Variants in ADSS2 observed in about 807,000 individuals in gnomAD.
ADSS2 encodes adenylosuccinate synthetase isozyme 2.
Under a neutral mutation model 60.0 loss-of-function variants are expected in ADSS2, and 30 were observed. That is an observed-to-expected ratio of 0.50 (90% CI 0.37 to 0.68). ADSS2 has a LOEUF of 0.68. Among genes scored for constraint, ADSS2 ranks in the 30% least tolerant of loss-of-function variants. The pLI, the probability that ADSS2 is intolerant of heterozygous loss-of-function variation, is 0.00. For missense variants in ADSS2, 373 were observed against 554.8 expected (o/e 0.67, Z 3.29); for synonymous variants, 187 against 193.1 (o/e 0.97, Z 0.26).
At chr1:244,410,062 G>C (rs1664377912) in intron 12 of ADSS2, among the ~76,000 whole-genome samples, 1 of 152,172 alleles carries the variant, frequency 6.6e-6, no homozygotes, top group Non-Finnish European at 1.5e-5. Context: ...CGAATCATCT[G>C]CATCACATGG....
intron 7 of ADSS2, among the ~76,000 whole-genome samples, chr1:244,420,787 A>G (rs991550265): frequency 6.6e-6 from 1 of 152,224 alleles, no homozygotes; most frequent in East Asian, 1.9e-4. Flanking sequence ...GCTCACTTGC[A>G]GCCTCGACCT....
At chr1:244,423,508 A>G (rs549672714) in intron 6 of ADSS2, among the ~76,000 whole-genome samples, 49 of 152,206 alleles carry the variant, frequency 3.2e-4, no homozygotes, top group Non-Finnish European at 6.0e-4. Context: ...TTAACGTAGC[A>G]TCTGTTGATT....
At chr1:244,434,528 GA>G (rs1175103033) in intron 3 of ADSS2, among the ~76,000 whole-genome samples, 1 of 152,166 alleles carries the variant, frequency 6.6e-6, no homozygotes, top group Non-Finnish European at 1.5e-5. Flanking sequence ...ATAGATTAAG[GA>G]AGAGAACCTC....
intron 1 of ADSS2, among the ~76,000 whole-genome samples, chr1:244,450,986 G>A (rs2148021677): frequency 6.6e-6 from 1 of 152,290 alleles, no homozygotes; most frequent in South Asian, 2.1e-4. Context: ...CATGTATGGA[G>A]CACACTGTAA....
intron 6 of ADSS2, among the ~76,000 whole-genome samples, chr1:244,423,592 A>G (rs1664723303): frequency 6.6e-6 from 1 of 152,120 alleles, no homozygotes; most frequent in Non-Finnish European, 1.5e-5. Context: ...GGACATAAGG[A>G]GTCTCTAGGC....
chr1:244,428,352 T>A (rs1314586077), intron 4 of ADSS2, among the ~76,000 whole-genome samples: 1 of 152,148 alleles, frequency 6.6e-6, no homozygotes, highest in Non-Finnish European at 1.5e-5. Flanking sequence ...ACTCAACTTA[T>A]AAGTTAAAAT....
intron 7 of ADSS2, among the ~76,000 whole-genome samples, chr1:244,421,003 T>G (rs1033534387): frequency 1.3e-5 from 2 of 152,042 alleles, no homozygotes; most frequent in Non-Finnish European, 2.9e-5. Flanking sequence ...ATTTTGAAAC[T>G]TGCATCAGTG....
intron 1 of ADSS2, among the ~76,000 whole-genome samples, chr1:244,449,138 T>G (rs1249521948): frequency 6.6e-6 from 1 of 152,238 alleles, no homozygotes; most frequent in Admixed American, 6.5e-5. Flanking sequence ...ACACAGGCCT[T>G]AAGCGCTGTT....
rs558503363 is a variant in ADSS2 at position 244,442,315 on chromosome 1, A to G, written c.184-4547T>C. Reference sequence around the variant, plus strand: ...GTGATGGATGACTTTAGGGGGAAAAATTGGCTTAACTCCCTAAGTTTGTCC... The same window carrying G: ...GTGATGGATGACTTTAGGGGGAAAAGTTGGCTTAACTCCCTAAGTTTGTCC... On this transcript the variant is annotated intron_variant, in intron 1 of 12. Coordinates refer to ENST00000366535, the MANE Select transcript of ADSS2 (RefSeq NM_001126.5). 5.9e-5 allele frequency among the ~76,000 whole-genome samples: 9 copies of G among 152,132 alleles called. No individual in the cohort carries two copies. In the East Asian group the frequency reaches 1.7e-3, roughly 29 times the overall value.
rs1664366302 is a variant in ADSS2, at chr1:244,409,609, C to G, written c.1348G>C (p.Glu450Gln). Residue 450 changes from glutamate to glutamine, a missense_variant, in exon 13 of 13, where the codon GAA (glutamate) becomes CAA (glutamine). Around this residue, in one of 5 missense-constraint regions of ADSS2, gnomAD observed 130 missense variants for 169.4 expected, o/e 0.77. Coordinates refer to ENST00000366535, the MANE Select transcript of ADSS2 (RefSeq NM_001126.5). ...VKWIGVGKSR[E>Q]SMIQLF ...CATTAAAAGAGTTGAATCATAGATT[C>G]TCTGGATTTACCAACACCAATCCAC... is the stretch of plus-strand genomic sequence containing the variant. 6.2e-7 allele frequency: 1 copy of G among 1,609,502 alleles called. No individual in the cohort carries two copies. The highest frequency in any genetic ancestry group is 8.5e-7 in the Non-Finnish European group (1 of 1,176,494).
In ADSS2 at chr1:244,435,088, G is replaced by A. The variant is rs554776529; in HGVS notation, c.355+1737C>T. 3.6e-5 allele frequency among the ~76,000 whole-genome samples: 5 copies of A among 138,460 alleles called. No homozygotes were observed. In the East Asian group the frequency reaches 1.2e-3, roughly 32 times the overall value. The allele number at this position is 138,460 out of a possible 152,430, so 90.8% of individuals were successfully genotyped here. On this transcript the variant is annotated intron_variant, in intron 3 of 12. Coordinates refer to ENST00000366535, the MANE Select transcript of ADSS2 (RefSeq NM_001126.5). The stretch of plus-strand genomic sequence containing the variant: ...AAAGCTGAGGCAGGAGAATCACTTG[G>A]ACCCACGAAGCAGAAGGTGCAGTGA...
chr1:244,450,637 T>G (rs1258257924), intron 1 of ADSS2, among the ~76,000 whole-genome samples: 4 of 152,212 alleles, frequency 2.6e-5, no homozygotes, highest in African/African-American at 9.6e-5. Context: ...AATATTACAT[T>G]ATGCTTTGTT....
chr1:244,409,624 C>G lies in ADSS2; in HGVS notation c.1333G>C (p.Val445Leu). Residue 445 changes from valine (V) to leucine (L), a missense_variant, in exon 13 of 13, where the codon GTT (valine) becomes CTT (leucine). This residue lies in a region of ADSS2 where 130 missense variants were observed against 169.4 expected (regional missense o/e 0.77). Coordinates refer to ENST00000366535, the MANE Select transcript of ADSS2 (RefSeq NM_001126.5). ...ATCATAGATTCTCTGGATTTACCAA[C>G]ACCAATCCACTTAACTAGGAGAATA... ...ELQIPVKWIG[V>L]GKSRESMIQL... 1 of 1,607,196 alleles carries G rather than the reference C, an allele frequency of 6.2e-7. No individual in the cohort carries two copies. The highest frequency in any genetic ancestry group is 8.5e-7 in the Non-Finnish European group (1 of 1,174,718).
At chr1:244,447,681 T>C (rs1665429017) in intron 1 of ADSS2, among the ~76,000 whole-genome samples, 1 of 152,208 alleles carries the variant, frequency 6.6e-6, no homozygotes. Context: ...CTTTGAATGG[T>C]ACAATGTAAA....
rs751840380 is a variant in ADSS2 at position 244,420,302 on chromosome 1, C to A, written c.664-6G>T. ...TTAATCTTTTCCATATAACCCTATACACAAAGACAAAAACCAATTTCCATG... is the reference window on the plus strand; with the variant it reads ...TTAATCTTTTCCATATAACCCTATAAACAAAGACAAAAACCAATTTCCATG... On this transcript the variant is annotated splice_region_variant and splice_polypyrimidine_tract_variant and intron_variant, in intron 7 of 12. Transcript: ENST00000366535. The A allele has an allele frequency of 1.3e-6, 2 of 1,598,048 alleles. No homozygotes were observed. Among genetic ancestry groups the A allele is most frequent in the African/African-American group, 1.3e-5 (1 of 74,336 alleles).
chr1:244,415,013 T>A (rs1664496404), intron 11 of ADSS2, among the ~76,000 whole-genome samples: 1 of 152,254 alleles, frequency 6.6e-6, no homozygotes, highest in African/African-American at 2.4e-5. Context: ...CAAATCTCCA[T>A]CTCAAGAGTG....
intron 6 of ADSS2, 111 bp downstream of exon 6, chr1:244,423,842 C>A: frequency 2.7e-6 from 2 of 730,394 alleles, no homozygotes; most frequent in South Asian, 2.3e-5. Flanking sequence ...CCTAAAAAAG[C>A]CAACCACCAC....
chr1:244,440,069 T>TC (rs1665200007), intron 1 of ADSS2, among the ~76,000 whole-genome samples: 1 of 152,234 alleles, frequency 6.6e-6, no homozygotes, highest in Non-Finnish European at 1.5e-5. Flanking sequence ...TTTCCTACCC[T>TC]CTTCCATGCC....
At chr1:244,413,981 T>C (rs977883613) in intron 11 of ADSS2, among the ~76,000 whole-genome samples, 1 of 152,168 alleles carries the variant, frequency 6.6e-6, no homozygotes. Context: ...CCAAGATCTA[T>C]AGATCCTGGA....
Sources: gnomAD v4.1 joint callset for allele counts (sites outside exome capture counted in the v4.1 genomes callset) on GRCh38, gnomAD v4.1.1 for gene constraint, gnomAD v4.1.1 regional missense constraint, MANE v1.5 for transcripts, NCBI Gene and HGNC (gene_info 2026-07-23, HGNC 2026-07-21) for gene names.